The following PKD1L1 variants were observed in gnomAD, a reference collection of about 807,000 sequenced individuals.
PKD1L1 encodes polycystin 1 like 1, transient receptor potential channel interacting.
Under a neutral mutation model 323.4 loss-of-function variants are expected in PKD1L1, and 236 were observed. That is an observed-to-expected ratio of 0.73 (90% CI 0.66 to 0.81). The LOEUF (loss-of-function observed/expected upper bound fraction) is 0.81. PKD1L1 is among the 40% of genes least tolerant of loss of function. The pLI is 0.00. For missense variants in PKD1L1, 3,320 were observed against 3,508.0 expected, an observed-to-expected ratio of 0.95 and a Z score of 1.35; for synonymous variants, 1,344 against 1,335.0, an observed-to-expected ratio of 1.01 and a Z score of -0.15.
the PKD1L1 span, among the ~76,000 whole-genome samples, chr7:47,954,367 G>A: frequency 6.6e-6 from 1 of 152,140 alleles, no homozygotes; most frequent in Non-Finnish European, 1.5e-5. Flanking sequence ...AGTGGTGTTG[G>A]GAGGCAGAGC....
chr7:47,816,426 G>T lies in PKD1L1; in HGVS notation c.6966-969C>A, dbSNP rs138316533. Among the ~76,000 whole-genome samples the T allele has an allele frequency of 1.0e-3, 155 of 152,316 alleles. No homozygotes were observed. In the East Asian group the frequency reaches 0.012, roughly 12 times the overall value. Reference sequence around the variant, plus strand: ...CAAGGCTGTGCATGGCAGCAGCAGGGTGTCCATTTGGCTCTGAGCTACAGC... The same window carrying T: ...CAAGGCTGTGCATGGCAGCAGCAGGTTGTCCATTTGGCTCTGAGCTACAGC... On this transcript the variant is annotated intron_variant, in intron 46 of 56. Transcript: ENST00000289672.
intron 18 of PKD1L1, among the ~76,000 whole-genome samples, 162 bp from the exon 19 acceptor site, chr7:47,884,819 A>T (rs1253340048): frequency 6.6e-6 from 1 of 151,966 alleles, no homozygotes; most frequent in East Asian, 1.9e-4. Flanking sequence ...GTCTTCCCTC[A>T]CTCATGACAG....
intron 13 of PKD1L1, among the ~76,000 whole-genome samples, chr7:47,900,288 T>C (rs1787057037): frequency 6.6e-6 from 1 of 152,198 alleles, no homozygotes; most frequent in Non-Finnish European, 1.5e-5. Context: ...CGGACACATG[T>C]GAGCTGCTAC....
In PKD1L1 at chr7:47,835,231, C is replaced by T. The variant is rs749435532; in HGVS notation, c.5956G>A (p.Val1986Ile). 28 of 1,587,080 alleles carry T rather than the reference C, an allele frequency of 1.8e-5. 1 individual carries two copies. In the South Asian group the frequency reaches 2.1e-4, roughly 12 times the overall value. ...AGGQEQPHLD[V>I]SPTLGSFRVG... ...CTGAAGGATCCAAGGGTGGGGCTGA[C>T]GTCCAAGTGGGGCTGCAACAAAGCA... The change falls in exon 38 of 57, where the codon GTC becomes ATC. Residue 1986 changes from valine to isoleucine, a missense_variant. Val to Ile is a conservative substitution (Grantham distance 29, BLOSUM62 3). Coordinates refer to ENST00000289672, the MANE Select transcript of PKD1L1 (RefSeq NM_138295.5).
chr7:47,847,080 A>T lies in PKD1L1; in HGVS notation c.4961-9T>A. 6.4e-7 allele frequency: 1 copy of T among 1,557,590 alleles called. No homozygotes were observed. The highest frequency in any genetic ancestry group is 8.7e-7 in the Non-Finnish European group (1 of 1,155,888). On this transcript the variant is annotated splice_polypyrimidine_tract_variant and intron_variant, in intron 31 of 56. Coordinates refer to ENST00000289672, the MANE Select transcript of PKD1L1 (RefSeq NM_138295.5). Reference sequence around the variant, plus strand: ...ATAGCCTACACTGGCATCTAAAAAGAGAAAACATAAATAAAAAGTACAACC... The same window carrying T: ...ATAGCCTACACTGGCATCTAAAAAGTGAAAACATAAATAAAAAGTACAACC...
chr7:47,818,321 TC>T, intron 46 of PKD1L1: 1 of 625,560 alleles, frequency 1.6e-6, no homozygotes, highest in Non-Finnish European at 2.3e-6. Flanking sequence ...AGGTGAATTT[TC>T]AACAGAGGAA....
intron 2 of PKD1L1, among the ~76,000 whole-genome samples, chr7:47,940,754 T>C (rs1787969575): frequency 6.6e-6 from 1 of 152,196 alleles, no homozygotes; most frequent in Non-Finnish European, 1.5e-5. Context: ...AAGCAGGATG[T>C]TCCCACCCAG....
chr7:47,940,331 A>C lies in PKD1L1; in HGVS notation c.161-14T>G. 3 of 1,605,718 alleles carry C rather than the reference A, an allele frequency of 1.9e-6. No homozygotes were observed. The highest frequency in any genetic ancestry group is 2.6e-6 in the Non-Finnish European group (3 of 1,176,174). ...TAGCATAGACCTCTAGAGAAAAAAA[A>C]AAAAGCAAACATTCTGAAGACTGCA... On this transcript the variant is annotated splice_polypyrimidine_tract_variant and intron_variant, in intron 2 of 56. Transcript: ENST00000289672.
intron 56 of PKD1L1, among the ~76,000 whole-genome samples, chr7:47,787,682 A>T (rs1205984889): frequency 6.6e-6 from 1 of 152,208 alleles, no homozygotes; most frequent in African/African-American, 2.4e-5. Context: ...GAGATGAGCC[A>T]TACGCCTTTA....
chr7:47,792,518 T>C (rs1786973232), intron 56 of PKD1L1, 109 bp downstream of exon 56: 3 of 1,122,338 alleles, frequency 2.7e-6, no homozygotes, highest in Non-Finnish European at 3.8e-6. Context: ...ATCTAAAGAA[T>C]ATTTATGCAA....
Position 47,931,328 on chromosome 7 carries a change from A to C in PKD1L1, c.520-7T>G. ...CAGAAGTGGTGCCCTGGAGCTTAAAAGTTTAAGAACAGTTCAGGGTTTATT... is the reference window on the plus strand; with the variant it reads ...CAGAAGTGGTGCCCTGGAGCTTAAACGTTTAAGAACAGTTCAGGGTTTATT... On this transcript the variant is annotated splice_polypyrimidine_tract_variant and splice_region_variant and intron_variant, in intron 5 of 56. Coordinates refer to ENST00000289672, the MANE Select transcript of PKD1L1 (RefSeq NM_138295.5). The C allele has an allele frequency of 1.2e-6, 2 of 1,614,076 alleles. No individual in the cohort carries two copies. The highest frequency in any genetic ancestry group is 1.7e-6 in the Non-Finnish European group (2 of 1,180,000).
rs1011285694 is a variant in PKD1L1 at position 47,929,339 on chromosome 7, C to T, written c.925G>A (p.Gly309Arg). The part of the protein sequence containing the change: ...EVEARAPPNL[G>R]FRVHMASGEA... ...CCAGAAGCCATATGAACACGGAATC[C>T]CAGATTTGGAGGTGCCCGAGCTTCC... Residue 309 changes from glycine to arginine, a missense_variant, in exon 7 of 57, where the codon GGA becomes AGA. By Grantham distance (125) the Gly-to-Arg change is moderately radical. Coordinates refer to ENST00000289672, the MANE Select transcript of PKD1L1 (RefSeq NM_138295.5). 2 of 1,614,110 alleles carry T rather than the reference C, an allele frequency of 1.2e-6. No individual in the cohort carries two copies. Among genetic ancestry groups the T allele is most frequent in the Non-Finnish European group, 1.7e-6 (2 of 1,180,026 alleles).
chr7:47,928,232 T>TACACCATGAGAATGTATAC (rs1787691122), intron 7 of PKD1L1, among the ~76,000 whole-genome samples: 1 of 152,050 alleles, frequency 6.6e-6, no homozygotes, highest in Non-Finnish European at 1.5e-5. Flanking sequence ...TGTGGGAGTT[T>TACACCATGAGAATGTATAC]ACACCATGAG....
intron 23 of PKD1L1, among the ~76,000 whole-genome samples, chr7:47,875,781 T>G (rs930307507): frequency 1.3e-5 from 2 of 152,240 alleles, no homozygotes; most frequent in Non-Finnish European, 2.9e-5. Flanking sequence ...TCACCAGATA[T>G]GACATATTTC....
chr7:47,881,656 G>A (rs1483379848), intron 20 of PKD1L1, among the ~76,000 whole-genome samples: 3 of 152,194 alleles, frequency 2.0e-5, no homozygotes, highest in Admixed American at 2.0e-4. Flanking sequence ...AGCACAGAAC[G>A]TGCAGCACTT....
intron 17 of PKD1L1, among the ~76,000 whole-genome samples, chr7:47,887,290 GC>G (rs1157539588): frequency 6.6e-6 from 1 of 152,198 alleles, no homozygotes; most frequent in Non-Finnish European, 1.5e-5. Context: ...CTTGGCACCA[GC>G]TCTGTTGTAG....
At chr7:47,808,160 A>G in intron 52 of PKD1L1, 87 bp downstream of exon 52, 1 of 1,500,480 alleles carries the variant, frequency 6.7e-7, no homozygotes, top group East Asian at 2.3e-5. Context: ...GTTGTCTCGC[A>G]CCTTCTAGAG....
At chr7:47,850,354 G>A (rs1202382826) in intron 31 of PKD1L1, among the ~76,000 whole-genome samples, 4 of 152,042 alleles carry the variant, frequency 2.6e-5, no homozygotes, top group African/African-American at 9.7e-5. Context: ...AAATGGGGAC[G>A]GGCGCCGTGG....
chr7:47,903,760 C>T (rs1476017305), intron 12 of PKD1L1, among the ~76,000 whole-genome samples: 2 of 152,154 alleles, frequency 1.3e-5, no homozygotes, highest in African/African-American at 4.8e-5. Flanking sequence ...GTGTGTCTCC[C>T]TACTGAAAGG....
Sources: allele counts gnomAD v4.1 joint callset (sites outside exome capture counted in the v4.1 genomes callset), GRCh38; gene constraint gnomAD v4.1.1; transcripts MANE v1.5; gene names NCBI Gene and HGNC (gene_info 2026-07-23, HGNC 2026-07-21).